PKHD1L1: variants seen among roughly 807,000 people sequenced by gnomAD.
PKHD1L1 encodes the protein fibrocystin-L.
Under a neutral mutation model 462.9 loss-of-function variants are expected in PKHD1L1, and 434 were observed. That is an observed-to-expected ratio of 0.94 (90% CI 0.87 to 1.02). The LOEUF is 1.02. Among genes scored for constraint, PKHD1L1 ranks in the 50% least tolerant of loss-of-function variants. The probability of loss-of-function intolerance (pLI) is 0.00; values close to 1 mark genes in which losing one functional copy is unlikely to be tolerated. For synonymous variants in PKHD1L1, 1,781 were observed against 1,750.0 expected (o/e 1.02, Z -0.44); for missense variants, 5,202 against 5,096.1 (o/e 1.02, Z -0.63).
Position 109,372,013 on chromosome 8 carries a change from C to T in PKHD1L1, c.163+7377C>T, listed in dbSNP as rs561360878. Among the ~76,000 whole-genome samples the T allele has an allele frequency of 9.4e-3, 1,434 of 151,900 alleles. 8 individuals carry two copies. Among genetic ancestry groups the T allele is most frequent in the Non-Finnish European group, 0.011 (771 of 67,982 alleles). Reference sequence around the variant, plus strand: ...CTCTTTTTTGGTTCCATATGAACTTCAAAGTAGTTTTTTCGAATTCTGTGA... The same window carrying T: ...CTCTTTTTTGGTTCCATATGAACTTTAAAGTAGTTTTTTCGAATTCTGTGA... On this transcript the variant is annotated intron_variant, in intron 2 of 77. Coordinates refer to ENST00000378402, the MANE Select transcript of PKHD1L1 (RefSeq NM_177531.6).
chr8:109,457,982 C>T (rs544180522), intron 46 of PKHD1L1, among the ~76,000 whole-genome samples: 23 of 152,098 alleles, frequency 1.5e-4, no homozygotes, highest in African/African-American at 4.8e-4. Context: ...AATTTCTTCC[C>T]TCTATCTTTT....
Position 109,476,567 on chromosome 8 carries a change from T to A in PKHD1L1, c.8817T>A (p.Ile2939=). The change falls in exon 52 of 78, where the codon ATT becomes ATA. Residue 2939 remains isoleucine (I), a synonymous_variant. Coordinates refer to ENST00000378402, the MANE Select transcript of PKHD1L1 (RefSeq NM_177531.6). Reference sequence around the variant, plus strand: ...CTCAAAATCCTGACATGTTTAATATTATTGATATGAGGAATGGTTCCTCAA... The same window carrying A: ...CTCAAAATCCTGACATGTTTAATATAATTGATATGAGGAATGGTTCCTCAA... ...NFTQNPDMFN[I]IDMRNGSSNP... The A allele has an allele frequency of 6.4e-7, 1 of 1,554,452 alleles. No homozygotes were observed. The highest frequency in any genetic ancestry group is 8.8e-7 in the Non-Finnish European group (1 of 1,138,882).
chr8:109,528,615 G>A (rs935743410), intron 77 of PKHD1L1, among the ~76,000 whole-genome samples: 3 of 152,106 alleles, frequency 2.0e-5, no homozygotes, highest in African/African-American at 7.2e-5. Flanking sequence ...ACCTCATCCA[G>A]CAGGTTTCCC....
chr8:109,413,132 A>T (rs1345505563), intron 20 of PKHD1L1, among the ~76,000 whole-genome samples: 1 of 152,142 alleles, frequency 6.6e-6, no homozygotes, highest in Non-Finnish European at 1.5e-5. Flanking sequence ...TACATAACTC[A>T]TCTCTACAGA....
chr8:109,470,119 T>A (rs1033007212), intron 50 of PKHD1L1: 2 of 512,480 alleles, frequency 3.9e-6, no homozygotes, highest in Middle Eastern at 5.2e-4. Context: ...ATATACAACA[T>A]AATAAAGTAT....
In PKHD1L1 at chr8:109,440,798, A is replaced by T. The variant is rs764304406; in HGVS notation, c.4045A>T (p.Thr1349Ser). The change falls in exon 33 of 78, where the codon ACC becomes TCC. Residue 1349 changes from threonine (T) to serine (S), a missense_variant. Transcript: ENST00000378402. Reference protein sequence around the residue: ...RGSLFGGTEITIRGFGFSTIP... With the variant: ...RGSLFGGTEISIRGFGFSTIP... ...CTCCTTGTTTGGTGGAACTGAAATC[A>T]CCATAAGGGGTTTTGGATTCAGCAC... The T allele has an allele frequency of 6.2e-7, 1 of 1,613,130 alleles. No homozygotes were observed. Among genetic ancestry groups the T allele is most frequent in the Non-Finnish European group, 8.5e-7 (1 of 1,179,324 alleles).
chr8:109,383,180 ATATATAAT>A (rs1307259653), intron 4 of PKHD1L1, among the ~76,000 whole-genome samples: 1 of 105,490 alleles, frequency 9.5e-6, no homozygotes, highest in African/African-American at 3.8e-5. Flanking sequence ...ATACAATAAT[ATATATAAT>A]TATATATAAT....
At chr8:109,411,107 C>T (rs1284916074) in intron 19 of PKHD1L1, among the ~76,000 whole-genome samples, 1 of 152,004 alleles carries the variant, frequency 6.6e-6, no homozygotes, top group South Asian at 2.1e-4. Context: ...TATGGTGGGG[C>T]ATTATATGTT....
At chr8:109,419,016 TA>T in intron 21 of PKHD1L1, 80 bp from the exon 22 acceptor site, 3 of 1,259,094 alleles carry the variant, frequency 2.4e-6, no homozygotes, top group Non-Finnish European at 3.2e-6. Context: ...TTTTACTCTA[TA>T]AAATTTTAAT....
chr8:109,488,351 T>C (rs72687040), intron 59 of PKHD1L1, among the ~76,000 whole-genome samples: 9,559 of 152,092 alleles, frequency 0.063, 414 homozygotes, highest in Non-Finnish European at 0.093. Flanking sequence ...GTTAATCTGA[T>C]TAATACTCAG....
chr8:109,521,958 T>G (rs887954051), intron 73 of PKHD1L1, among the ~76,000 whole-genome samples: 1 of 152,186 alleles, frequency 6.6e-6, no homozygotes, highest in Non-Finnish European at 1.5e-5. Context: ...ATCTGTTTTA[T>G]CTACCTTTGT....
chr8:109,376,997 C>T (rs1444677378), intron 2 of PKHD1L1, among the ~76,000 whole-genome samples: 2 of 152,188 alleles, frequency 1.3e-5, no homozygotes, highest in African/African-American at 4.8e-5. Flanking sequence ...GAACATCAGG[C>T]ACAATGAAGT....
chr8:109,378,483 C>A (rs1586385862), intron 2 of PKHD1L1, among the ~76,000 whole-genome samples: 1 of 152,220 alleles, frequency 6.6e-6, no homozygotes, highest in African/African-American at 2.4e-5. Context: ...AGGGCCTTGG[C>A]ACATCCTATT....
intron 25 of PKHD1L1, 109 bp downstream of exon 25, chr8:109,427,265 A>C: frequency 1.2e-6 from 1 of 856,752 alleles, no homozygotes; most frequent in Admixed American, 2.8e-5. Flanking sequence ...AAAAATTCAA[A>C]CCATAAACTA....
intron 17 of PKHD1L1, among the ~76,000 whole-genome samples, chr8:109,406,798 T>C (rs1006452809): frequency 3.3e-5 from 5 of 152,128 alleles, no homozygotes; most frequent in African/African-American, 1.2e-4. Flanking sequence ...GACACTCATC[T>C]GGTCAAATCT....
intron 53 of PKHD1L1, 73 bp downstream of exon 53, chr8:109,477,469 T>C: frequency 7.4e-7 from 1 of 1,344,006 alleles, no homozygotes; most frequent in South Asian, 1.4e-5. Flanking sequence ...CACTCCTGGG[T>C]GAAATAATAA....
rs1332100389 is a variant in PKHD1L1 at position 109,408,149 on chromosome 8, A to G, written c.1914A>G (p.Thr638=). The change falls in exon 18 of 78, where the codon ACA becomes ACG. Residue 638 remains threonine, a synonymous_variant. Coordinates refer to ENST00000378402, the MANE Select transcript of PKHD1L1 (RefSeq NM_177531.6). ...GAAAACCCAACTTGGAGACATTCAC[A>G]CTGAATTGGGATGGGATCGCTTCTA... ...TKGKPNLETF[T]LNWDGIASKP... 12 of 1,613,172 alleles carry G rather than the reference A, an allele frequency of 7.4e-6. No individual in the cohort carries two copies. Among genetic ancestry groups the G allele is most frequent in the Non-Finnish European group, 1.0e-5 (12 of 1,179,418 alleles).
chr8:109,473,509 C>A (rs1817830263), intron 50 of PKHD1L1, among the ~76,000 whole-genome samples: 1 of 150,628 alleles, frequency 6.6e-6, no homozygotes, highest in African/African-American at 2.4e-5. Context: ...GTTAGAGACT[C>A]CATCTCAAGA....
chr8:109,442,993 A>G lies in PKHD1L1; in HGVS notation c.4441A>G (p.Ser1481Gly). 1.9e-6 allele frequency: 3 copies of G among 1,613,498 alleles called. No individual in the cohort carries two copies. The highest frequency in any genetic ancestry group is 2.5e-6 in the Non-Finnish European group (3 of 1,179,570). The change falls in exon 36 of 78, where the codon AGC becomes GGC. Residue 1481 changes from serine (S) to glycine (G), a missense_variant. Coordinates refer to ENST00000378402, the MANE Select transcript of PKHD1L1 (RefSeq NM_177531.6). ...FTSPGIHYYS[S>G]GYVDEAHSIF... ...TTCTCCTGGAATCCATTATTATAGC[A>G]GCGGGTATGTTGATGAGGCTCACTC...
Sources: allele counts gnomAD v4.1 joint callset (sites outside exome capture counted in the v4.1 genomes callset), GRCh38; gene constraint gnomAD v4.1.1; transcripts MANE v1.5; gene names NCBI Gene and HGNC (gene_info 2026-07-23, HGNC 2026-07-21).